ACBD6: variants seen among roughly 807,000 people sequenced by gnomAD.
The protein encoded by ACBD6 is acyl-CoA binding domain containing 6, also known as acyl-CoA-binding domain-containing protein 6.
In ACBD6, 28 loss-of-function variants were observed where a neutral mutation model predicts 37.2. The ratio of observed to expected loss-of-function variants is 0.75; its 90% CI spans 0.56 to 1.03. The LOEUF is 1.03. Among genes scored for constraint, ACBD6 ranks in the 50% least tolerant of loss-of-function variants. The pLI is 0.00. For synonymous variants in ACBD6, 113 were observed against 126.8 expected (o/e 0.89, Z 0.73); for missense variants, 340 against 337.4 (o/e 1.01, Z -0.06).
chr1:180,440,619 C>T (rs1478609421), intron 3 of ACBD6, among the ~76,000 whole-genome samples: 4 of 148,834 alleles, frequency 2.7e-5, no homozygotes, highest in Admixed American at 1.3e-4. Context: ...CTCCCCCAAA[C>T]CTTTAGCCTT....
chr1:180,418,992 C>G (rs1334231914), intron 4 of ACBD6, among the ~76,000 whole-genome samples: 1 of 152,250 alleles, frequency 6.6e-6, no homozygotes, highest in Admixed American at 6.5e-5. Flanking sequence ...TGGCTCACAC[C>G]TGTAATCCCA....
chr1:180,476,303 G>T (rs1265966377), intron 3 of ACBD6, among the ~76,000 whole-genome samples: 1 of 152,106 alleles, frequency 6.6e-6, no homozygotes, highest in African/African-American at 2.4e-5. Flanking sequence ...GTGAAAATCA[G>T]ACCTTGGCAA....
intron 6 of ACBD6, among the ~76,000 whole-genome samples, chr1:180,343,255 A>C (rs1172468359): frequency 6.9e-6 from 1 of 145,928 alleles, no homozygotes; most frequent in East Asian, 1.9e-4. Flanking sequence ...AATATTTAAA[A>C]AATCTTATAA....
intron 9 of ACBD6, chr1:180,275,884 C>T (rs1464661879): frequency 1.3e-5 from 2 of 152,292 alleles, no homozygotes; most frequent in Non-Finnish European, 2.9e-5. Flanking sequence ...TTTGCAGTAG[C>T]AAATCACTAA....
intron 6 of ACBD6, among the ~76,000 whole-genome samples, chr1:180,381,702 T>C (rs1252238803): frequency 3.3e-5 from 5 of 152,082 alleles, no homozygotes; most frequent in Admixed American, 6.5e-5. Flanking sequence ...CCAAAACCTA[T>C]GGGATACAGT....
At chr1:180,433,781 T>C (rs1325960644) in intron 3 of ACBD6, among the ~76,000 whole-genome samples, 2 of 152,124 alleles carry the variant, frequency 1.3e-5, no homozygotes, top group African/African-American at 4.8e-5. Context: ...CTATGGGACT[T>C]TCTCCTGCCC....
At chr1:180,414,962 C>T (rs1648015571) in intron 4 of ACBD6, among the ~76,000 whole-genome samples, 1 of 151,972 alleles carries the variant, frequency 6.6e-6, no homozygotes, top group Non-Finnish European at 1.5e-5. Context: ...TTAAAAACAC[C>T]ATGTTTCGGG....
chr1:180,345,161 T>C (rs917721425), intron 6 of ACBD6, among the ~76,000 whole-genome samples: 1 of 152,214 alleles, frequency 6.6e-6, no homozygotes, highest in Non-Finnish European at 1.5e-5. Context: ...TTGAAGGGTG[T>C]CTTGCTTATT....
intron 3 of ACBD6, among the ~76,000 whole-genome samples, chr1:180,441,675 G>A (rs1649285259): frequency 1.3e-5 from 2 of 152,276 alleles, no homozygotes; most frequent in South Asian, 4.1e-4. Flanking sequence ...CCATTTCAGA[G>A]TATCCGCTGA....
intron 6 of ACBD6, among the ~76,000 whole-genome samples, chr1:180,379,839 TA>T (rs1653573646): frequency 6.6e-6 from 1 of 152,188 alleles, no homozygotes; most frequent in Admixed American, 6.5e-5. Flanking sequence ...AGAAAAACTA[TA>T]ATAATAAGTG....
intron 1 of ACBD6, among the ~76,000 whole-genome samples, chr1:180,500,829 T>TAAAA (rs397982142): frequency 8.9e-6 from 1 of 111,756 alleles, no homozygotes; most frequent in Admixed American, 9.2e-5. Context: ...AGACCCTCTG[T>TAAAA]AAAAAAAAAA....
chr1:180,406,826 A>G (rs1293795406), intron 5 of ACBD6, among the ~76,000 whole-genome samples: 1 of 152,152 alleles, frequency 6.6e-6, no homozygotes, highest in Non-Finnish European at 1.5e-5. Flanking sequence ...GAAATATCTC[A>G]ATTTCAAATA....
intron 3 of ACBD6, among the ~76,000 whole-genome samples, chr1:180,472,978 C>T (rs1032641627): frequency 1.3e-5 from 2 of 151,922 alleles, no homozygotes; most frequent in African/African-American, 4.8e-5. Context: ...TAGAATACTA[C>T]TGAACAAAAG....
At chr1:180,353,785 C>CAAAAAAAAAA (rs56286672) in intron 6 of ACBD6, among the ~76,000 whole-genome samples, 1 of 19,732 alleles carries the variant, frequency 5.1e-5, no homozygotes, top group Non-Finnish European at 8.6e-5. Context: ...TTAACAACCA[C>CAAAAAAAAAA]AAAAAAAAAA....
chr1:180,454,449 C>T (rs1649837394), intron 3 of ACBD6, among the ~76,000 whole-genome samples: 1 of 152,192 alleles, frequency 6.6e-6, no homozygotes, highest in Non-Finnish European at 1.5e-5. Flanking sequence ...CAATACCATT[C>T]AGGACATAGG....
chr1:180,278,482 C>T (rs1427292802), intron 9 of ACBD6: 1 of 152,104 alleles, frequency 6.6e-6, no homozygotes, highest in Non-Finnish European at 1.5e-5. Flanking sequence ...ACACTAAAAG[C>T]ACAGTTTCAT....
chr1:180,347,890 G>C (rs972779605), intron 6 of ACBD6, among the ~76,000 whole-genome samples: 39 of 152,222 alleles, frequency 2.6e-4, no homozygotes, highest in African/African-American at 9.1e-4. Context: ...GCGTGAACCT[G>C]GGAGGCGGAG....
At chr1:180,397,924 G>A (rs962828067) in intron 5 of ACBD6, among the ~76,000 whole-genome samples, 1 of 152,092 alleles carries the variant, frequency 6.6e-6, no homozygotes. Context: ...ATGGTGATGG[G>A]TGCTTGTAAT....
chr1:180,467,448 C>G (rs1376585600), intron 3 of ACBD6, among the ~76,000 whole-genome samples: 59 of 72,522 alleles, frequency 8.1e-4, no homozygotes, highest in East Asian at 1.8e-3. Context: ...TCCATCTCTG[C>G]AAAAAAAAAA....
Sources: allele counts gnomAD v4.1 joint callset (sites outside exome capture counted in the v4.1 genomes callset), GRCh38; gene constraint gnomAD v4.1.1; transcripts MANE v1.5; gene names NCBI Gene and HGNC (gene_info 2026-07-23, HGNC 2026-07-21).